The following ITPR2 variants were observed in gnomAD, a reference collection of about 807,000 sequenced individuals.
ITPR2 encodes the protein inositol 1,4,5-trisphosphate receptor type 2, also known as inositol 1,4,5-trisphosphate-gated calcium channel ITPR2.
ITPR2 carries 207 observed loss-of-function variants against 317.1 expected under a neutral mutation model. The observed-to-expected ratio is 0.65, with a 90% CI of 0.58 to 0.73. The LOEUF is 0.73. Among genes scored for constraint, ITPR2 ranks in the 30% least tolerant of loss-of-function variants. The pLI, the probability that ITPR2 is intolerant of heterozygous loss-of-function variation, is 0.00. For synonymous variants in ITPR2, 1,156 were observed against 1,149.1 expected (o/e 1.01, Z -0.12); for missense variants, 2,613 against 3,284.0 (o/e 0.80, Z 4.99).
chr12:26,355,495 T>C (rs1362374805), intron 55 of ITPR2, among the ~76,000 whole-genome samples: 1 of 152,190 alleles, frequency 6.6e-6, no homozygotes, highest in Non-Finnish European at 1.5e-5. Context: ...TGTAAAATTG[T>C]GAGAGCATGA....
intron 45 of ITPR2, among the ~76,000 whole-genome samples, chr12:26,464,741 G>A (rs1462878806): frequency 6.6e-6 from 1 of 152,158 alleles, no homozygotes; most frequent in African/African-American, 2.4e-5. Context: ...AGTCAACACA[G>A]GCCATGTGAA....
chr12:26,690,438 C>T (rs1337144108), intron 10 of ITPR2, among the ~76,000 whole-genome samples: 1 of 152,120 alleles, frequency 6.6e-6, no homozygotes, highest in Non-Finnish European at 1.5e-5. Flanking sequence ...TCCTGCACCC[C>T]AATATTCTAA....
chr12:26,789,424 T>A (rs1290162842), intron 2 of ITPR2, among the ~76,000 whole-genome samples: 1 of 152,230 alleles, frequency 6.6e-6, no homozygotes, highest in African/African-American at 2.4e-5. Flanking sequence ...CAGCTTTTAA[T>A]CCTTTATTAA....
At chr12:26,756,895 T>C (rs1949531874) in intron 2 of ITPR2, among the ~76,000 whole-genome samples, 2 of 152,272 alleles carry the variant, frequency 1.3e-5, no homozygotes, top group African/African-American at 4.8e-5. Flanking sequence ...GCATTCTAAA[T>C]CACAGGATGA....
chr12:26,474,689 G>A (rs932062401), intron 45 of ITPR2, among the ~76,000 whole-genome samples: 1 of 149,472 alleles, frequency 6.7e-6, no homozygotes, highest in Non-Finnish European at 1.5e-5. Context: ...AGCTACTTGG[G>A]AGGCTGAGGC....
intron 55 of ITPR2, among the ~76,000 whole-genome samples, chr12:26,381,056 C>T (rs1294818339): frequency 1.3e-5 from 2 of 152,170 alleles, no homozygotes; most frequent in Non-Finnish European, 2.9e-5. Flanking sequence ...CACCCCTCTG[C>T]TAGGAGAGCA....
intron 1 of ITPR2, among the ~76,000 whole-genome samples, chr12:26,794,005 C>T (rs766115144): frequency 3.9e-5 from 6 of 152,056 alleles, no homozygotes; most frequent in Non-Finnish European, 7.4e-5. Flanking sequence ...ATAGCAATAG[C>T]CTAAAATTCT....
chr12:26,398,697 T>A (rs1940080378), intron 54 of ITPR2, among the ~76,000 whole-genome samples, 179 bp downstream of exon 54: 1 of 152,206 alleles, frequency 6.6e-6, no homozygotes, highest in Admixed American at 6.5e-5. Context: ...GTATAATTCC[T>A]CTCTCTATTT....
At chr12:26,783,218 T>C (rs973518734) in intron 2 of ITPR2, among the ~76,000 whole-genome samples, 2 of 152,234 alleles carry the variant, frequency 1.3e-5, no homozygotes, top group East Asian at 3.8e-4. Flanking sequence ...TTCTGACTTA[T>C]TACTTCAAAA....
Position 26,439,314 on chromosome 12 carries a change from G to C in ITPR2, c.6456C>G (p.Val2152=). 6.3e-7 allele frequency: 1 copy of C among 1,591,978 alleles called. No homozygotes were observed. Among genetic ancestry groups the C allele is most frequent in the Non-Finnish European group, 8.5e-7 (1 of 1,169,956 alleles). ...YANHTAQIEI[V]RHDRTMEQIV... ...TTTGTTCCATGGTCCTATCATGCCGGACAATCTGAAAACATTAATTTGCAT... is the reference window on the plus strand; with the variant it reads ...TTTGTTCCATGGTCCTATCATGCCGCACAATCTGAAAACATTAATTTGCAT... The change falls in exon 47 of 57, where the codon GTC becomes GTG. Residue 2152 remains valine, a synonymous_variant. Transcript: ENST00000381340.
At chr12:26,679,655 T>C (rs1470087828) in intron 13 of ITPR2, among the ~76,000 whole-genome samples, 1 of 152,244 alleles carries the variant, frequency 6.6e-6, no homozygotes, top group African/African-American at 2.4e-5. Flanking sequence ...CTACAGTGAA[T>C]GTCTTTGTTG....
chr12:26,683,737 G>T (rs905681087), intron 11 of ITPR2, among the ~76,000 whole-genome samples: 5 of 152,316 alleles, frequency 3.3e-5, no homozygotes, highest in African/African-American at 1.2e-4. Context: ...AGATTGACTA[G>T]ATATGAACTG....
In ITPR2 at chr12:26,515,606, A is replaced by C. The variant is rs112415507; in HGVS notation, c.5074-20346T>G. 1.3e-3 allele frequency among the ~76,000 whole-genome samples: 191 copies of C among 152,232 alleles called. 1 individual carries two copies. The highest frequency in any genetic ancestry group is 3.7e-3 in the African/African-American group (152 of 41,530). ...CCACAAACTACAGAAGACACATAAGAGCTGCCCATATCAGCAGCCATCAGG... is the reference window on the plus strand; with the variant it reads ...CCACAAACTACAGAAGACACATAAGCGCTGCCCATATCAGCAGCCATCAGG... On this transcript the variant is annotated intron_variant, in intron 37 of 56. Transcript: ENST00000381340.
At chr12:26,702,762 C>T (rs774969754) in intron 9 of ITPR2, among the ~76,000 whole-genome samples, 3 of 152,200 alleles carry the variant, frequency 2.0e-5, no homozygotes, top group Non-Finnish European at 2.9e-5. Context: ...AATCCCTAAA[C>T]TATCCTGTTG....
At chr12:26,720,367 T>C (rs1017519293) in intron 5 of ITPR2, among the ~76,000 whole-genome samples, 1 of 152,184 alleles carries the variant, frequency 6.6e-6, no homozygotes, top group Non-Finnish European at 1.5e-5. Context: ...ACATTGCAAT[T>C]TCCTTTTTCT....
chr12:26,542,531 G>T (rs569504380), intron 37 of ITPR2, among the ~76,000 whole-genome samples: 58 of 152,226 alleles, frequency 3.8e-4, no homozygotes, highest in South Asian at 1.9e-3. Flanking sequence ...AATAAATAAG[G>T]TAACATATAT....
At chr12:26,539,298 G>C (rs753868874) in intron 37 of ITPR2, among the ~76,000 whole-genome samples, 1 of 152,094 alleles carries the variant, frequency 6.6e-6, no homozygotes, top group Non-Finnish European at 1.5e-5. Context: ...AACAGTTCTT[G>C]GACTCTGCAG....
intron 2 of ITPR2, among the ~76,000 whole-genome samples, chr12:26,764,241 T>A (rs1949682459): frequency 1.3e-5 from 2 of 152,100 alleles, no homozygotes; most frequent in Admixed American, 1.3e-4. Context: ...TGCAAAACCA[T>A]AAAACTCCTA....
chr12:26,806,504 C>T lies in ITPR2; in HGVS notation c.93-16277G>A, dbSNP rs1950641280. On this transcript the variant is annotated intron_variant, in intron 1 of 56. Transcript: ENST00000381340. The stretch of plus-strand genomic sequence containing the variant: ...TTTTTTAAACAAGTATAACTGACCA[C>T]CCACTGTGTGTCAAGTACCACATTA... 2.6e-5 allele frequency among the ~76,000 whole-genome samples: 4 copies of T among 152,158 alleles called. No individual in the cohort carries two copies. In the South Asian group the frequency reaches 8.3e-4, roughly 32 times the overall value.
Sources: gnomAD v4.1 joint callset for allele counts (sites outside exome capture counted in the v4.1 genomes callset) on GRCh38, gnomAD v4.1.1 for gene constraint, MANE v1.5 for transcripts, NCBI Gene and HGNC (gene_info 2026-07-23, HGNC 2026-07-21) for gene names.